Variants in KIF26B observed in about 807,000 individuals in gnomAD.
KIF26B encodes kinesin family member 26B, also known as kinesin-like protein KIF26B.
KIF26B carries 63 observed loss-of-function variants against 151.2 expected under a neutral mutation model. The ratio of observed to expected loss-of-function variants is 0.42; its 90% CI spans 0.34 to 0.51. The LOEUF (loss-of-function observed/expected upper bound fraction) is 0.51, where lower values mean the gene tolerates loss of function less well. Ranked by LOEUF, KIF26B falls within the 20% of genes least tolerant of loss-of-function variation. The pLI, the probability that KIF26B is intolerant of heterozygous loss-of-function variation, is 0.07. For synonymous variants in KIF26B, 1,357 were observed against 1,262.1 expected (o/e 1.08, Z -1.59); for missense variants, 2,813 against 2,913.6 (o/e 0.97, Z 0.79).
intron 3 of KIF26B, among the ~76,000 whole-genome samples, chr1:245,377,736 C>A (rs1274630184): frequency 6.6e-6 from 1 of 152,132 alleles, no homozygotes; most frequent in African/African-American, 2.4e-5. Flanking sequence ...TGAACCACTT[C>A]TGAAGAAGGA....
chr1:245,339,046 C>T (rs995290980), intron 2 of KIF26B, among the ~76,000 whole-genome samples: 6 of 150,552 alleles, frequency 4.0e-5, no homozygotes, highest in Middle Eastern at 3.2e-3. Flanking sequence ...AGTGCTATCT[C>T]GGCTCACTGC....
intron 2 of KIF26B, among the ~76,000 whole-genome samples, chr1:245,194,658 G>C (rs1271389134): frequency 6.6e-6 from 1 of 152,128 alleles, no homozygotes; most frequent in African/African-American, 2.4e-5. Flanking sequence ...GATTACAGGT[G>C]CGAGCCACTG....
In KIF26B at chr1:245,540,034, G is replaced by A. The variant is rs1047828426; in HGVS notation, c.1167-733G>A. Among the ~76,000 whole-genome samples the A allele has an allele frequency of 3.9e-5, 6 of 152,016 alleles. No individual in the cohort carries two copies. The highest frequency in any genetic ancestry group is 5.9e-5 in the Non-Finnish European group (4 of 68,006). ...AACAGCCTATGTTATTAATGATGCC[G>A]GCAGCCTCCCCTCCCACCTTTCCCT... On this transcript the variant is annotated intron_variant, in intron 4 of 14. Coordinates refer to ENST00000407071, the MANE Select transcript of KIF26B (RefSeq NM_018012.4). This position sits in a 1 kb window ranked among gnomAD's most constrained non-coding sequence, Gnocchi z 4.6.
At position 245,156,698 on chromosome 1, in the gene KIF26B, GGGCT is replaced by G. The variant is rs573451068; in HGVS notation, c.465+22_465+25del. The G allele has an allele frequency of 1.3e-3, 1,826 of 1,438,978 alleles. 14 individuals are homozygous for G. The African/African-American group carries it at 0.015, about 12-fold the overall frequency. The allele number at this position is 1,438,978 out of a possible 1,614,324, so 89.1% of individuals were successfully genotyped here. On this transcript the variant is annotated intron_variant, in intron 2 of 14. Transcript: ENST00000407071. ...TCCCGGGCAAGGTGAGCGCCGCGCG[GGGCT>G]GGCTGGGGAGGCGCCGGGAGGGCGG...
Position 245,244,120 on chromosome 1 carries a change from T to C in KIF26B, c.465+87437T>C, listed in dbSNP as rs1187345678. ...CACCATCATGCCTGGCTAATTTTTA[T>C]TTATTTATTTATTTTTTGTAGAGAT... On this transcript the variant is annotated intron_variant, in intron 2 of 14. Coordinates refer to ENST00000407071, the MANE Select transcript of KIF26B (RefSeq NM_018012.4). This position sits in a 1 kb window ranked among gnomAD's most constrained non-coding sequence, Gnocchi z 4.2. Among the ~76,000 whole-genome samples, 1 of 151,942 alleles carries C rather than the reference T, an allele frequency of 6.6e-6. No individual in the cohort carries two copies. The highest frequency in any genetic ancestry group is 1.9e-4 in the East Asian group (1 of 5,172).
chr1:245,158,083 G>A (rs1668475240), intron 2 of KIF26B, among the ~76,000 whole-genome samples: 1 of 152,110 alleles, frequency 6.6e-6, no homozygotes, highest in African/African-American at 2.4e-5. Flanking sequence ...CTGTGAGGTT[G>A]TTGAACTGGA....
intron 2 of KIF26B, among the ~76,000 whole-genome samples, chr1:245,297,199 C>T (rs745878307): frequency 8.5e-5 from 13 of 152,172 alleles, no homozygotes; most frequent in South Asian, 2.1e-4. Context: ...AAAAATTAGC[C>T]GGTCGTGGTG....
In KIF26B at chr1:245,572,953, G is replaced by A. The variant is rs974422796; in HGVS notation, c.1351-29624G>A. ...ACCTGCTCTGAACAGATTCTGTAGC[G>A]TAAAATTCTTTATAAATACACATAT... On this transcript the variant is annotated intron_variant, in intron 5 of 14. Coordinates refer to ENST00000407071, the MANE Select transcript of KIF26B (RefSeq NM_018012.4). This position sits in a 1 kb window ranked among gnomAD's most constrained non-coding sequence, Gnocchi z 4.2. Among the ~76,000 whole-genome samples, 4 of 152,244 alleles carry A rather than the reference G, an allele frequency of 2.6e-5. No homozygotes were observed. Among genetic ancestry groups the A allele is most frequent in the African/African-American group, 9.6e-5 (4 of 41,538 alleles).
At chr1:245,642,363 C>T (rs1227274981) in intron 9 of KIF26B, among the ~76,000 whole-genome samples, 2 of 151,890 alleles carry the variant, frequency 1.3e-5, no homozygotes, top group African/African-American at 4.8e-5. Context: ...AGTTTCTTGC[C>T]CATAACAGGA....
intron 2 of KIF26B, among the ~76,000 whole-genome samples, chr1:245,185,549 A>G (rs1314336782): frequency 2.0e-5 from 3 of 152,254 alleles, no homozygotes; most frequent in African/African-American, 7.2e-5. Flanking sequence ...GTGTCAATCA[A>G]CAAACACTGT....
rs1259975122 is a variant in KIF26B at position 245,352,308 on chromosome 1, G to A, written c.466-14526G>A. Reference sequence around the variant, plus strand: ...AGACAGAGTCTCATTCCTTCACTCAGACTGGAGGGCAATGGTGCGATCTCA... The same window carrying A: ...AGACAGAGTCTCATTCCTTCACTCAAACTGGAGGGCAATGGTGCGATCTCA... On this transcript the variant is annotated intron_variant, in intron 2 of 14. Coordinates refer to ENST00000407071, the MANE Select transcript of KIF26B (RefSeq NM_018012.4). The surrounding 1 kb of genome is among the most constrained non-coding windows in gnomAD (Gnocchi z 5.0). Among the ~76,000 whole-genome samples, 1 of 152,150 alleles carries A rather than the reference G, an allele frequency of 6.6e-6. No individual in the cohort carries two copies. The highest frequency in any genetic ancestry group is 1.5e-5 in the Non-Finnish European group (1 of 68,042).
At chr1:245,559,900 A>G (rs1202397252) in intron 5 of KIF26B, among the ~76,000 whole-genome samples, 2 of 151,232 alleles carry the variant, frequency 1.3e-5, no homozygotes, top group African/African-American at 4.9e-5. Flanking sequence ...TTTTCCAATC[A>G]GTATTTTCAA....
At chr1:245,655,357 G>T (rs1026749954) in intron 10 of KIF26B, among the ~76,000 whole-genome samples, 9 of 152,216 alleles carry the variant, frequency 5.9e-5, no homozygotes, top group African/African-American at 1.7e-4. Flanking sequence ...TGTAACCCAC[G>T]TGGTTCTGCC....
chr1:245,554,743 G>A (rs972403630), intron 5 of KIF26B, among the ~76,000 whole-genome samples: 16 of 152,160 alleles, frequency 1.1e-4, no homozygotes, highest in East Asian at 7.7e-4. Context: ...GACAGCTGAC[G>A]GTATAGCAGC....
At chr1:245,304,671 G>C (rs1051816752) in intron 2 of KIF26B, among the ~76,000 whole-genome samples, 1 of 149,454 alleles carries the variant, frequency 6.7e-6, no homozygotes, top group African/African-American at 2.5e-5. Flanking sequence ...CTGCCTGTCT[G>C]CCTGTCCATC....
chr1:245,454,749 G>A (rs767424213), intron 4 of KIF26B, among the ~76,000 whole-genome samples: 1 of 152,202 alleles, frequency 6.6e-6, no homozygotes, highest in African/African-American at 2.4e-5. Context: ...AGCAGGAGAA[G>A]AGAAGTCCTC....
At chr1:245,532,952 T>C (rs6690046) in intron 4 of KIF26B, among the ~76,000 whole-genome samples, 9,644 of 152,294 alleles carry the variant, frequency 0.063, 374 homozygotes, top group Non-Finnish European at 0.079. Flanking sequence ...TGTTATTTCA[T>C]AATAAAGCAT....
At chr1:245,214,998 C>T (rs2103545837) in intron 2 of KIF26B, among the ~76,000 whole-genome samples, 1 of 152,258 alleles carries the variant, frequency 6.6e-6, no homozygotes, top group Middle Eastern at 3.4e-3. Flanking sequence ...AAGGAGGTGG[C>T]ATGTCAGTTG....
At chr1:245,447,710 C>A (rs1030428222) in intron 4 of KIF26B, among the ~76,000 whole-genome samples, 1 of 152,204 alleles carries the variant, frequency 6.6e-6, no homozygotes, top group Non-Finnish European at 1.5e-5. Flanking sequence ...ATTGTCCCAA[C>A]AACACTCAGG....
Sources: gnomAD v4.1 joint callset for allele counts (sites outside exome capture counted in the v4.1 genomes callset) on GRCh38, gnomAD v4.1.1 for gene constraint, Gnocchi (gnomAD v3.1) non-coding constraint, MANE v1.5 for transcripts, NCBI Gene and HGNC (gene_info 2026-07-23, HGNC 2026-07-21) for gene names.